Variants in DENND2B observed in about 807,000 individuals in gnomAD.
DENND2B encodes DENN domain-containing protein 2B.
Under a neutral mutation model 116.0 loss-of-function variants are expected in DENND2B, and 32 were observed. The observed-to-expected ratio is 0.28, with a 90% CI of 0.21 to 0.37. The LOEUF (loss-of-function observed/expected upper bound fraction) is 0.37, where lower values mean the gene tolerates loss of function less well. Ranked by LOEUF, DENND2B falls within the 10% of genes least tolerant of loss-of-function variation. DENND2B has a pLI of 1.00. For synonymous variants in DENND2B, 588 were observed against 583.9 expected, an observed-to-expected ratio of 1.01 and a Z score of -0.10; for missense variants, 1,276 against 1,477.7, an observed-to-expected ratio of 0.86 and a Z score of 2.24.
chr11:8,813,774 T>C (rs1368214228), upstream of DENND2B, among the ~76,000 whole-genome samples: 1 of 152,090 alleles, frequency 6.6e-6, no homozygotes, highest in Non-Finnish European at 1.5e-5. Flanking sequence ...CCTAGTGGCA[T>C]GCTGGAGTTA....
intron 2 of DENND2B, among the ~76,000 whole-genome samples, chr11:8,879,217 C>A (rs1227452704): frequency 6.6e-6 from 1 of 152,174 alleles, no homozygotes; most frequent in Non-Finnish European, 1.5e-5. Context: ...CAGGCCAAAG[C>A]ATTGAAGAAG....
Position 8,829,623 on chromosome 11 carries a change from T to C in DENND2B, c.-115+9687A>G, listed in dbSNP as rs547987708. On this transcript the variant is annotated intron_variant, in intron 4 of 6. Coordinates refer to the DENND2B transcript ENST00000524757. The stretch of plus-strand genomic sequence containing the variant: ...GTAAGTTTCTCTCAGCTCTCAGAGA[T>C]TGGTTTATCACCTAATGTTATCCAG... Among the ~76,000 whole-genome samples, 52 of 152,286 alleles carry C rather than the reference T, an allele frequency of 3.4e-4. No individual in the cohort carries two copies. In the South Asian group the frequency reaches 4.2e-3, roughly 12 times the overall value.
intron 1 of DENND2B, among the ~76,000 whole-genome samples, chr11:8,905,713 C>T (rs1220155248): frequency 6.6e-6 from 1 of 152,004 alleles, no homozygotes; most frequent in African/African-American, 2.4e-5. Context: ...CATGTGTCCA[C>T]ACAAAGTCTT....
rs370332338 is a variant in DENND2B at position 8,707,207 on chromosome 11, G to A, written c.2449C>T (p.Arg817Cys). 1.2e-5 allele frequency: 19 copies of A among 1,612,442 alleles called. No homozygotes were observed. Among genetic ancestry groups the A allele is most frequent in the African/African-American group, 5.3e-5 (4 of 74,904 alleles). Reference protein sequence around the residue: ...LFSKVLDEVERRRGISAALVY... With the variant: ...LFSKVLDEVECRRGISAALVY... ...AATGCAGCGGAGATCCCACGCCGGC[G>A]CTCCACCTCATCTAGGACCTGTGCC... The change falls in exon 13 of 20, where the codon CGC becomes TGC. Residue 817 changes from arginine (R) to cysteine (C), a missense_variant. This residue lies in a region of DENND2B where 420 missense variants were observed against 631.1 expected (regional missense o/e 0.67). Transcript: ENST00000313726. This position sits in a 1 kb window ranked among gnomAD's most constrained non-coding sequence, Gnocchi z 4.8.
In DENND2B at chr11:8,707,626, G is replaced by T; in HGVS notation, c.2430+151C>A. 1 of 748,212 alleles carries T rather than the reference G, an allele frequency of 1.3e-6. No homozygotes were observed. The highest frequency in any genetic ancestry group is 1.8e-5 in the South Asian group (1 of 55,394). The allele number at this position is 748,212 out of a possible 1,614,324, so 46.3% of individuals were successfully genotyped here. A position where few individuals can be genotyped will look rare whatever the true frequency, so the allele number is the denominator to read the frequency against. On this transcript the variant is annotated intron_variant, in intron 12 of 19. Coordinates refer to ENST00000313726, the MANE Select transcript of DENND2B (RefSeq NM_213618.2). This position sits in a 1 kb window ranked among gnomAD's most constrained non-coding sequence, Gnocchi z 4.8. Reference sequence around the variant, plus strand: ...AGAGAACCAGGCCGGGGAATGGGAGGGTGTCAGAGAGCTCACTGGTACTTG... The same window carrying T: ...AGAGAACCAGGCCGGGGAATGGGAGTGTGTCAGAGAGCTCACTGGTACTTG...
Position 8,730,476 on chromosome 11 carries a change from G to A in DENND2B, c.814C>T (p.His272Tyr), listed in dbSNP as rs2047934869. ...RSEPSAFLRGHGSRKESSAVL... is the reference protein window; with the variant it reads ...RSEPSAFLRGYGSRKESSAVL... Reference sequence around the variant, plus strand: ...GCTGAGCTCTCCTTCCTGCTGCCATGCCCCCTGAGGAAGGCGCTGGGCTCA... The same window carrying A: ...GCTGAGCTCTCCTTCCTGCTGCCATACCCCCTGAGGAAGGCGCTGGGCTCA... The change falls in exon 3 of 20, where the codon CAT (histidine) becomes TAT (tyrosine). Residue 272 changes from histidine to tyrosine, a missense_variant. This residue lies in a region of DENND2B where 856 missense variants were observed against 846.6 expected (regional missense o/e 1.01). Transcript: ENST00000313726. This position sits in a 1 kb window ranked among gnomAD's most constrained non-coding sequence, Gnocchi z 4.1. The A allele has an allele frequency of 6.2e-7, 1 of 1,611,874 alleles. No homozygotes were observed. The highest frequency in any genetic ancestry group is 8.5e-7 in the Non-Finnish European group (1 of 1,180,016).
chr11:8,837,644 C>G (rs2134604551), intron 4 of DENND2B, among the ~76,000 whole-genome samples: 1 of 152,302 alleles, frequency 6.6e-6, no homozygotes, highest in South Asian at 2.1e-4. Flanking sequence ...CCACATCCAG[C>G]CGTTTCCCTT....
At chr11:8,821,985 T>C (rs959650018) in intron 4 of DENND2B, among the ~76,000 whole-genome samples, 1 of 151,984 alleles carries the variant, frequency 6.6e-6, no homozygotes, top group African/African-American at 2.4e-5. Context: ...AGACAGGGGG[T>C]TTTGCCATGT....
chr11:8,712,748 T>G lies in DENND2B; in HGVS notation c.1988-13A>C, dbSNP rs775394201. ...CGCTGTGTGTGGGCTGGAGGCAGGT[T>G]GCACATCAGGGAATGGACCCTCACA... On this transcript the variant is annotated splice_polypyrimidine_tract_variant and intron_variant, in intron 8 of 19. Transcript: ENST00000313726. The surrounding 1 kb of genome is among the most constrained non-coding windows in gnomAD (Gnocchi z 4.4). 1.2e-5 allele frequency: 19 copies of G among 1,603,856 alleles called. No homozygotes were observed. The South Asian group carries it at 1.8e-4, about 15-fold the overall frequency.
At chr11:8,751,705 C>CA (rs2052540361) in intron 1 of DENND2B, among the ~76,000 whole-genome samples, 2 of 152,156 alleles carry the variant, frequency 1.3e-5, no homozygotes, top group Admixed American at 1.3e-4. Context: ...AAGAACCCAC[C>CA]AATTCCGGAC....
chr11:8,901,534 G>A (rs1222658653), intron 1 of DENND2B, among the ~76,000 whole-genome samples: 1 of 151,956 alleles, frequency 6.6e-6, no homozygotes. Flanking sequence ...CCGGCTCCTA[G>A]TTTCTTAAGG....
chr11:8,804,873 T>C (rs1345048169), intron 1 of DENND2B, among the ~76,000 whole-genome samples: 1 of 152,188 alleles, frequency 6.6e-6, no homozygotes, highest in East Asian at 1.9e-4. Flanking sequence ...AGAATCTGGT[T>C]TGTTCCCAGC....
At chr11:8,864,775 G>A (rs890878199) in intron 2 of DENND2B, among the ~76,000 whole-genome samples, 5 of 152,300 alleles carry the variant, frequency 3.3e-5, no homozygotes, top group Middle Eastern at 3.4e-3. Context: ...CCAGAGACCA[G>A]TGTCTGACAG....
chr11:8,760,911 A>G (rs967840269), intron 1 of DENND2B, among the ~76,000 whole-genome samples: 1 of 152,198 alleles, frequency 6.6e-6, no homozygotes, highest in Non-Finnish European at 1.5e-5. Flanking sequence ...TCAATCAGCC[A>G]CAGGAAAGAC....
chr11:8,733,679 T>C (rs752780842), intron 2 of DENND2B, among the ~76,000 whole-genome samples: 3 of 152,228 alleles, frequency 2.0e-5, no homozygotes, highest in Non-Finnish European at 4.4e-5. Context: ...GGAACCACTG[T>C]TACTTATGGT....
intron 11 of DENND2B, among the ~76,000 whole-genome samples, chr11:8,708,932 A>T (rs1488545970): frequency 2.0e-5 from 3 of 150,456 alleles, no homozygotes; most frequent in Non-Finnish European, 4.4e-5. Context: ...AGCCTGGGCA[A>T]CAAGAATGAA....
At position 8,718,381 on chromosome 11, in the gene DENND2B, A is replaced by T. The variant is rs117817210; in HGVS notation, c.1478-489T>A. The T allele has an allele frequency of 5.2e-4, 798 of 1,535,182 alleles. 9 individuals are homozygous for T. The East Asian group carries it at 7.7e-3, about 15-fold the overall frequency. ...TACTTTGGAGGGTGGGCATGGAGGA[A>T]CTCACAGAACCGTAGGGAGCAGGGC... is the stretch of plus-strand genomic sequence containing the variant. On this transcript the variant is annotated intron_variant, in intron 4 of 19. Coordinates refer to ENST00000313726, the MANE Select transcript of DENND2B (RefSeq NM_213618.2).
chr11:8,884,931 G>C (rs767781674), intron 1 of DENND2B, among the ~76,000 whole-genome samples: 1 of 152,186 alleles, frequency 6.6e-6, no homozygotes, highest in Non-Finnish European at 1.5e-5. Flanking sequence ...AGGAAGATGG[G>C]AAGAGATCTA....
chr11:8,889,732 C>A (rs1048491141), intron 1 of DENND2B, among the ~76,000 whole-genome samples: 2 of 152,200 alleles, frequency 1.3e-5, no homozygotes, highest in African/African-American at 2.4e-5. Flanking sequence ...AGTAGGTAAA[C>A]AAAGCGGCCA....
Sources: allele counts gnomAD v4.1 joint callset (sites outside exome capture counted in the v4.1 genomes callset), GRCh38; gene constraint gnomAD v4.1.1; regional missense constraint gnomAD v4.1.1; non-coding constraint Gnocchi (gnomAD v3.1); transcripts MANE v1.5; gene names NCBI Gene and HGNC (gene_info 2026-07-23, HGNC 2026-07-21).